Variants in HECW2 observed in about 807,000 individuals in gnomAD.
The protein encoded by HECW2 is E3 ubiquitin-protein ligase HECW2.
Under a neutral mutation model 175.2 loss-of-function variants are expected in HECW2, and 61 were observed. That is an observed-to-expected ratio of 0.35 (90% CI 0.28 to 0.43). The LOEUF (loss-of-function observed/expected upper bound fraction) is 0.43. Ranked by LOEUF, HECW2 falls within the 20% of genes least tolerant of loss-of-function variation. HECW2 has a pLI of 1.00. For missense variants in HECW2, 1,524 were observed against 2,000.5 expected (o/e 0.76, Z 4.54); for synonymous variants, 671 against 731.0 (o/e 0.92, Z 1.32).
At chr2:196,471,318 G>A (rs544411463) in intron 1 of HECW2, among the ~76,000 whole-genome samples, 5 of 152,140 alleles carry the variant, frequency 3.3e-5, no homozygotes, top group African/African-American at 9.7e-5. Flanking sequence ...AAAATTAACC[G>A]ATGCTGGCAA....
intron 4 of HECW2, among the ~76,000 whole-genome samples, chr2:196,332,096 C>T (rs572652228): frequency 6.6e-6 from 1 of 152,122 alleles, no homozygotes; most frequent in Non-Finnish European, 1.5e-5. Context: ...AGAGAGGTCC[C>T]CCTTTTTTTT....
rs547119135 is a variant in HECW2, at chr2:196,206,514, T to C, written c.4608-5126A>G. Among the ~76,000 whole-genome samples, 232 of 152,364 alleles carry C rather than the reference T, an allele frequency of 1.5e-3. 1 individual carries two copies. Among genetic ancestry groups the C allele is most frequent in the African/African-American group, 5.4e-3 (225 of 41,584 alleles). On this transcript the variant is annotated intron_variant, in intron 28 of 28. Coordinates refer to ENST00000644978, the MANE Select transcript of HECW2 (RefSeq NM_001348768.2). ...TGGTTTGTTGATTAATTTCTCTCTC[T>C]GTATGTGAATGTACTTAATTTTCCA...
chr2:196,446,608 CTTTAA>C (rs1696192822), intron 1 of HECW2, among the ~76,000 whole-genome samples: 1 of 152,150 alleles, frequency 6.6e-6, no homozygotes, highest in South Asian at 2.1e-4. Context: ...ACAGTAAGAT[CTTTAA>C]TTTAAGTGAT....
intron 1 of HECW2, among the ~76,000 whole-genome samples, chr2:196,523,789 C>A (rs1389703040): frequency 3.3e-5 from 5 of 150,642 alleles, no homozygotes; most frequent in Non-Finnish European, 6.0e-5. Context: ...TATTGATTTG[C>A]GTATATTGAA....
At chr2:196,349,838 T>C (rs1693107239) in intron 2 of HECW2, among the ~76,000 whole-genome samples, 1 of 152,168 alleles carries the variant, frequency 6.6e-6, no homozygotes, top group Admixed American at 6.5e-5. Flanking sequence ...TCAGAGCTTG[T>C]TAATGAGGTG....
intron 1 of HECW2, among the ~76,000 whole-genome samples, chr2:196,522,876 T>C (rs1164757078): frequency 2.0e-5 from 3 of 152,226 alleles, no homozygotes; most frequent in African/African-American, 7.2e-5. Context: ...TTTTGGTTAC[T>C]GTAGCCTTGT....
intron 2 of HECW2, among the ~76,000 whole-genome samples, chr2:196,390,679 C>T (rs1437249302): frequency 6.6e-6 from 1 of 152,142 alleles, no homozygotes; most frequent in East Asian, 1.9e-4. Flanking sequence ...TTTATTAACA[C>T]AACAGTTTCA....
At chr2:196,254,904 C>A (rs116780097) in intron 18 of HECW2, among the ~76,000 whole-genome samples, 123 of 151,570 alleles carry the variant, frequency 8.1e-4, no homozygotes, top group Middle Eastern at 3.5e-3. Flanking sequence ...TTTTCATAAC[C>A]TTTATCCATT....
intron 1 of HECW2, chr2:196,493,144 G>A (rs1020772263): frequency 1.3e-5 from 2 of 152,390 alleles, no homozygotes; most frequent in East Asian, 3.9e-4. Flanking sequence ...TGAGGTGGGA[G>A]AATCTCTTGA....
intron 1 of HECW2, among the ~76,000 whole-genome samples, chr2:196,550,468 C>A (rs1394408367): frequency 6.6e-6 from 1 of 151,760 alleles, no homozygotes; most frequent in Non-Finnish European, 1.5e-5. Flanking sequence ...ATTGAAAATT[C>A]TTTAAGAAAA....
At chr2:196,220,232 A>T (rs1687617186) in intron 25 of HECW2, 79 bp from the exon 26 acceptor site, 1 of 912,958 alleles carries the variant, frequency 1.1e-6, no homozygotes, top group Non-Finnish European at 1.8e-6. Context: ...AGAAAAGGGG[A>T]CACATGGAGT....
chr2:196,380,395 T>C (rs902771829), intron 2 of HECW2, among the ~76,000 whole-genome samples: 1 of 152,244 alleles, frequency 6.6e-6, no homozygotes, highest in Admixed American at 6.5e-5. Context: ...GCTTTCCCAA[T>C]TCCCAGGAAT....
At chr2:196,317,563 G>T (rs1691745427) in intron 9 of HECW2, among the ~76,000 whole-genome samples, 194 bp from the exon 10 acceptor site, 1 of 152,102 alleles carries the variant, frequency 6.6e-6, no homozygotes, top group Non-Finnish European at 1.5e-5. Flanking sequence ...CTGAAGAAAT[G>T]TCCTCTGCAT....
chr2:196,325,576 C>G lies in HECW2; in HGVS notation c.572-427G>C, dbSNP rs1692120006. Among the ~76,000 whole-genome samples the G allele has an allele frequency of 1.3e-5, 2 of 152,104 alleles. 1 individual carries two copies. The highest frequency in any genetic ancestry group is 4.1e-4 in the South Asian group (2 of 4,824). ...CGGCAACCAGAATTTCAGACAATGTCTTGAGGGAAATACTGAGTAAGCAGT... is the reference window on the plus strand; with the variant it reads ...CGGCAACCAGAATTTCAGACAATGTGTTGAGGGAAATACTGAGTAAGCAGT... On this transcript the variant is annotated intron_variant, in intron 5 of 28. Coordinates refer to ENST00000644978, the MANE Select transcript of HECW2 (RefSeq NM_001348768.2).
chr2:196,320,608 T>C (rs1036565808), intron 7 of HECW2, among the ~76,000 whole-genome samples, 169 bp from the exon 8 acceptor site: 15 of 152,220 alleles, frequency 9.9e-5, no homozygotes, highest in African/African-American at 3.6e-4. Flanking sequence ...TATTCATTCA[T>C]ACAAATGGAA....
intron 3 of HECW2, 145 bp from the exon 4 acceptor site, chr2:196,334,663 T>G (rs1559049228): frequency 3.1e-6 from 2 of 642,878 alleles, no homozygotes; most frequent in Non-Finnish European, 5.5e-6. Flanking sequence ...GCCAACAAAT[T>G]ACATCAATTT....
At chr2:196,393,789 T>C (rs1401647781) in intron 2 of HECW2, among the ~76,000 whole-genome samples, 4 of 152,210 alleles carry the variant, frequency 2.6e-5, no homozygotes, top group South Asian at 2.1e-4. Flanking sequence ...TTGACCCAGC[T>C]ATCCCATTAC....
intron 1 of HECW2, among the ~76,000 whole-genome samples, chr2:196,525,321 A>T (rs1227684101): frequency 2.1e-5 from 2 of 96,838 alleles, no homozygotes; most frequent in Non-Finnish European, 4.0e-5. Context: ...TTTGTTTTCC[A>T]TTTGCTTGGT....
intron 1 of HECW2, among the ~76,000 whole-genome samples, chr2:196,570,414 T>C (rs1052405187): frequency 3.3e-5 from 5 of 152,214 alleles, no homozygotes; most frequent in Non-Finnish European, 7.3e-5. Context: ...CAGTATTTTA[T>C]TGAAATGTTT....
Sources: allele counts gnomAD v4.1 joint callset (sites outside exome capture counted in the v4.1 genomes callset), GRCh38; gene constraint gnomAD v4.1.1; transcripts MANE v1.5; gene names NCBI Gene and HGNC (gene_info 2026-07-23, HGNC 2026-07-21).